The following ARHGEF2 variants were observed in gnomAD, a reference collection of about 807,000 sequenced individuals.
ARHGEF2 encodes Rho/Rac guanine nucleotide exchange factor 2.
Under a neutral mutation model 121.0 loss-of-function variants are expected in ARHGEF2, and 22 were observed. That is an observed-to-expected ratio of 0.18 (90% CI 0.13 to 0.26). The LOEUF (loss-of-function observed/expected upper bound fraction) is 0.26. Ranked by LOEUF, ARHGEF2 falls within the 10% of genes least tolerant of loss-of-function variation. The pLI, the probability that ARHGEF2 is intolerant of heterozygous loss-of-function variation, is 1.00. For missense variants in ARHGEF2, 907 were observed against 1,336.0 expected, an observed-to-expected ratio of 0.68 and a Z score of 5.01; for synonymous variants, 487 against 530.0, an observed-to-expected ratio of 0.92 and a Z score of 1.11.
chr1:155,969,760 C>T (rs924767479), intron 1 of ARHGEF2: 2 of 990,188 alleles, frequency 2.0e-6, no homozygotes, highest in Non-Finnish European at 2.4e-6. Context: ...CCTCTTATAA[C>T]CATGACAACC....
Position 155,951,145 on chromosome 1 carries a change from G to C in ARHGEF2, c.2387C>G (p.Ala796Gly). Reference protein sequence around the residue: ...EAGRAGAAPVAPEKQATELAL... With the variant: ...EAGRAGAAPVGPEKQATELAL... ...CAGTTCCGTGGCCTGCTTTTCAGGG[G>C]CCACAGGGGCAGCCCCAGCCCTGCC... The change falls in exon 20 of 22, where the codon GCC becomes GGC. Residue 796 changes from alanine (A) to glycine (G), a missense_variant. Coordinates refer to ENST00000361247, the MANE Select transcript of ARHGEF2 (RefSeq NM_001162383.2). The surrounding 1 kb of genome is among the most constrained non-coding windows in gnomAD (Gnocchi z 5.1). 2 of 1,604,306 alleles carry C rather than the reference G, an allele frequency of 1.2e-6. No homozygotes were observed. The highest frequency in any genetic ancestry group is 8.5e-7 in the Non-Finnish European group (1 of 1,177,072).
At chr1:155,960,617 T>A (rs1450307900) in intron 11 of ARHGEF2, among the ~76,000 whole-genome samples, 1 of 152,112 alleles carries the variant, frequency 6.6e-6, no homozygotes, top group East Asian at 1.9e-4. Flanking sequence ...CCCCCATGGT[T>A]TATATTCTTA....
intron 2 of ARHGEF2, chr1:155,968,709 A>T: frequency 6.1e-6 from 1 of 163,014 alleles, no homozygotes; most frequent in Non-Finnish European, 1.3e-5. Context: ...GGGGACTGTG[A>T]AGTCCTGAAT....
chr1:155,976,326 T>A (rs1348090848), intron 1 of ARHGEF2, among the ~76,000 whole-genome samples: 1 of 151,284 alleles, frequency 6.6e-6, no homozygotes, highest in Non-Finnish European at 1.5e-5. Context: ...GTAACCACAG[T>A]TTTCCGGAGG....
chr1:155,964,178 A>ATATATATATGTG (rs1553244971), intron 7 of ARHGEF2, among the ~76,000 whole-genome samples: 1 of 101,100 alleles, frequency 9.9e-6, no homozygotes, highest in Non-Finnish European at 1.9e-5. Flanking sequence ...ATATATATAT[A>ATATATATATGTG]TATATATATA....
upstream of ARHGEF2, chr1:155,979,371 C>T: frequency 1.0e-6 from 1 of 971,356 alleles, no homozygotes; most frequent in South Asian, 4.8e-5. Context: ...AAAGTTAGGG[C>T]CCAACCAGCC....
rs1177445557 is a variant in ARHGEF2 at position 155,951,584 on chromosome 1, T to A, written c.2209-51A>T. On this transcript the variant is annotated intron_variant, in intron 18 of 21. Coordinates refer to ENST00000361247, the MANE Select transcript of ARHGEF2 (RefSeq NM_001162383.2). This position sits in a 1 kb window ranked among gnomAD's most constrained non-coding sequence, Gnocchi z 5.1. Reference sequence around the variant, plus strand: ...GGCCCCAGCTTTAGGATGGGAGAACTGCCCAAAAGTTGAACAAGGGTGGGT... The same window carrying A: ...GGCCCCAGCTTTAGGATGGGAGAACAGCCCAAAAGTTGAACAAGGGTGGGT... 1.9e-6 allele frequency: 3 copies of A among 1,613,154 alleles called. No homozygotes were observed. The highest frequency in any genetic ancestry group is 2.5e-6 in the Non-Finnish European group (3 of 1,179,232).
intron 21 of ARHGEF2, among the ~76,000 whole-genome samples, chr1:155,948,222 CA>C (rs1674707327): frequency 6.6e-6 from 1 of 152,230 alleles, no homozygotes. Context: ...TACACTTTTA[CA>C]GTATCCAAAG....
chr1:155,953,163 G>C (rs909789965), intron 14 of ARHGEF2, among the ~76,000 whole-genome samples: 1 of 151,502 alleles, frequency 6.6e-6, no homozygotes, highest in Non-Finnish European at 1.5e-5. Flanking sequence ...TACTCAGGAG[G>C]CTGAGGCACA....
intron 7 of ARHGEF2, among the ~76,000 whole-genome samples, chr1:155,964,180 A>ATATACATATATATATATATATATG (rs1678794808): frequency 9.8e-6 from 1 of 101,572 alleles, no homozygotes; most frequent in Non-Finnish European, 1.8e-5. Flanking sequence ...ATATATATAT[A>ATATACATATATATATATATATATG]TATATATATA....
chr1:155,966,424 C>T lies in ARHGEF2; in HGVS notation c.332G>A (p.Arg111Gln). 1.2e-6 allele frequency: 2 copies of T among 1,614,080 alleles called. No individual in the cohort carries two copies. Among genetic ancestry groups the T allele is most frequent in the Non-Finnish European group, 1.7e-6 (2 of 1,179,984 alleles). ...NNTALQSVSLRSKTTIRERPS... is the reference protein window; with the variant it reads ...NNTALQSVSLQSKTTIRERPS... ...ACTCCCCAACTACTCACTCTTACTT[C>T]GAAGAGAAACGGACTGCAAGGCGGT... Residue 111 changes from arginine (R) to glutamine (Q), a missense_variant, in exon 4 of 22, where the codon CGA (arginine) becomes CAA (glutamine). By Grantham distance (43) the Arg-to-Gln change is conservative (BLOSUM62 1). This residue lies in a region of ARHGEF2 where 475 missense variants were observed against 776.5 expected (regional missense o/e 0.61). Transcript: ENST00000361247.
intron 13 of ARHGEF2, among the ~76,000 whole-genome samples, chr1:155,955,723 A>AT (rs898624444): frequency 4.7e-5 from 7 of 150,386 alleles, no homozygotes; most frequent in Admixed American, 6.6e-5. Context: ...CACAATTATA[A>AT]TTTTTTTTTT....
At position 155,965,594 on chromosome 1, in the gene ARHGEF2, AC is replaced by A; in HGVS notation, c.470+36del. The A allele has an allele frequency of 6.2e-7, 1 of 1,611,568 alleles. No individual in the cohort carries two copies. Among genetic ancestry groups the A allele is most frequent in the Non-Finnish European group, 8.5e-7 (1 of 1,179,624 alleles). Reference sequence around the variant, plus strand: ...GCACCCCCTTGGCCTCCACTGCCACACTCTCTGGCTGCCCCTTTCCCCAAAC... The same window carrying A: ...GCACCCCCTTGGCCTCCACTGCCACATCTCTGGCTGCCCCTTTCCCCAAAC... On this transcript the variant is annotated intron_variant, in intron 5 of 21. Coordinates refer to ENST00000361247, the MANE Select transcript of ARHGEF2 (RefSeq NM_001162383.2). The surrounding 1 kb of genome is among the most constrained non-coding windows in gnomAD (Gnocchi z 6.0).
rs1164169433 is a variant in ARHGEF2 at position 155,950,485 on chromosome 1, G to A, written c.2704-3C>T. 11 of 1,613,150 alleles carry A rather than the reference G, an allele frequency of 6.8e-6. No homozygotes were observed. Among genetic ancestry groups the A allele is most frequent in the Non-Finnish European group, 8.5e-6 (10 of 1,179,920 alleles). On this transcript the variant is annotated splice_region_variant and splice_polypyrimidine_tract_variant and intron_variant, in intron 20 of 21. Coordinates refer to ENST00000361247, the MANE Select transcript of ARHGEF2 (RefSeq NM_001162383.2). The surrounding 1 kb of genome is among the most constrained non-coding windows in gnomAD (Gnocchi z 5.2). ...AGGCGGTCAGTGCCTCGGCTGGGCTGTGGACAGTGGGCAGGAAGAACAGCA... is the reference window on the plus strand; with the variant it reads ...AGGCGGTCAGTGCCTCGGCTGGGCTATGGACAGTGGGCAGGAAGAACAGCA...
upstream of ARHGEF2, chr1:155,978,613 G>A (rs556351165): frequency 3.5e-5 from 44 of 1,257,028 alleles, no homozygotes; most frequent in East Asian, 1.3e-3. This position sits in a 1 kb window ranked among gnomAD's most constrained non-coding sequence, Gnocchi z 4.1. Context: ...AGCTCAGGAA[G>A]GGGGTAGGCG....
Position 155,966,892 on chromosome 1 carries a change from G to A in ARHGEF2, c.209-5C>T. ...TGTGGATAGTCACATTGCAGGCTGG[G>A]AGGGTGGGGTAGAGAGGGTGAAGGG... On this transcript the variant is annotated splice_region_variant and splice_polypyrimidine_tract_variant and intron_variant, in intron 2 of 21. Transcript: ENST00000361247. 6.2e-7 allele frequency: 1 copy of A among 1,613,642 alleles called. No homozygotes were observed. The highest frequency in any genetic ancestry group is 1.1e-5 in the South Asian group (1 of 91,078).
chr1:155,947,938 C>A lies in ARHGEF2; in HGVS notation c.*4G>T. On this transcript the variant is annotated 3_prime_UTR_variant, in exon 22 of 22. Coordinates refer to ENST00000361247, the MANE Select transcript of ARHGEF2 (RefSeq NM_001162383.2). ...GGGGCACGGGGCAGGGGGGAGGGGC[C>A]CCCTTAGCTCTCGGAGGCTACAGCC... 1 of 1,548,652 alleles carries A rather than the reference C, an allele frequency of 6.5e-7. No individual in the cohort carries two copies. Among genetic ancestry groups the A allele is most frequent in the Non-Finnish European group, 8.7e-7 (1 of 1,145,154 alleles).
rs1286943240 is a variant in ARHGEF2 at position 155,950,731 on chromosome 1, T to C, written c.2703+98A>G. ...AATATCCTTCAAGTCAGTTGACTGA[T>C]TGCATTTGGGCTCAAATCCCCAATG... On this transcript the variant is annotated intron_variant, in intron 20 of 21. Coordinates refer to ENST00000361247, the MANE Select transcript of ARHGEF2 (RefSeq NM_001162383.2). This position sits in a 1 kb window ranked among gnomAD's most constrained non-coding sequence, Gnocchi z 5.2. The C allele has an allele frequency of 1.6e-5, 20 of 1,241,096 alleles. No individual in the cohort carries two copies. The highest frequency in any genetic ancestry group is 2.9e-5 in the South Asian group (2 of 68,308). 76.9% of individuals were successfully genotyped at this position (1,241,096 alleles called of 1,614,324 possible).
At position 155,951,306 on chromosome 1, in the gene ARHGEF2, G is replaced by C. The variant is rs1405930098; in HGVS notation, c.2260-34C>G. On this transcript the variant is annotated intron_variant, in intron 19 of 21. Transcript: ENST00000361247. This position sits in a 1 kb window ranked among gnomAD's most constrained non-coding sequence, Gnocchi z 5.1. Reference sequence around the variant, plus strand: ...AGAATGCAGGCAGAAGGGTTTATCAGAACCCCTGTGCTCTTCTACCCCTCG... The same window carrying C: ...AGAATGCAGGCAGAAGGGTTTATCACAACCCCTGTGCTCTTCTACCCCTCG... The C allele has an allele frequency of 3.8e-6, 6 of 1,573,938 alleles. No individual in the cohort carries two copies. Among genetic ancestry groups the C allele is most frequent in the Non-Finnish European group, 5.2e-6 (6 of 1,156,388 alleles).
Sources: gnomAD v4.1 joint callset for allele counts (sites outside exome capture counted in the v4.1 genomes callset) on GRCh38, gnomAD v4.1.1 for gene constraint, gnomAD v4.1.1 regional missense constraint, Gnocchi (gnomAD v3.1) non-coding constraint, MANE v1.5 for transcripts, NCBI Gene and HGNC (gene_info 2026-07-23, HGNC 2026-07-21) for gene names.